The following TRMT2A variants were observed in gnomAD, a reference collection of about 807,000 sequenced individuals.
The protein encoded by TRMT2A is tRNA (uracil-5-)-methyltransferase homolog A.
Under a neutral mutation model 59.3 loss-of-function variants are expected in TRMT2A, and 60 were observed. That is an observed-to-expected ratio of 1.01 (90% CI 0.82 to 1.26). The LOEUF (loss-of-function observed/expected upper bound fraction) is 1.26, where lower values mean the gene tolerates loss of function less well. Among genes scored for constraint, TRMT2A ranks in the 50% most tolerant of loss-of-function variants. The probability of loss-of-function intolerance (pLI) is 0.00; values close to 1 mark genes in which losing one functional copy is unlikely to be tolerated. For synonymous variants in TRMT2A, 403 were observed against 353.7 expected, an observed-to-expected ratio of 1.14 and a Z score of -1.56; for missense variants, 863 against 845.2, an observed-to-expected ratio of 1.02 and a Z score of -0.26.
chr22:20,113,340 G>A (rs999507353), intron 9 of TRMT2A, 92 bp downstream of exon 9: 18 of 1,524,058 alleles, frequency 1.2e-5, no homozygotes, highest in East Asian at 9.2e-5. Context: ...TCTACCTGTC[G>A]GGCAGCCCCC....
Position 20,116,916 on chromosome 22 carries a change from G to C in TRMT2A, c.-10C>G, listed in dbSNP as rs929029334. The C allele has an allele frequency of 2.5e-6, 4 of 1,595,022 alleles. No homozygotes were observed. The African/African-American group carries it at 5.4e-5, about 21-fold the overall frequency. On this transcript the variant is annotated 5_prime_UTR_variant, in exon 1 of 12. Transcript: ENST00000252136. Reference sequence around the variant, plus strand: ...CGAGGTTCTCACTCATCGCCCAGGCGGTTCTCCGCCTAGACCAGGGACGCC... The same window carrying C: ...CGAGGTTCTCACTCATCGCCCAGGCCGTTCTCCGCCTAGACCAGGGACGCC...
rs747170713 is a variant in TRMT2A at position 20,114,746 on chromosome 22, A to G, written c.1121+15T>C. 12 of 1,611,848 alleles carry G rather than the reference A, an allele frequency of 7.4e-6. No homozygotes were observed. In the South Asian group the frequency reaches 8.8e-5, roughly 12 times the overall value. On this transcript the variant is annotated intron_variant, in intron 6 of 11. Coordinates refer to ENST00000252136, the MANE Select transcript of TRMT2A (RefSeq NM_022727.6). ...TCCCTGCAGGGACCTGCCCCGCCCCACTCGGGCTCCTTACCGCTGTCCCTC... is the reference window on the plus strand; with the variant it reads ...TCCCTGCAGGGACCTGCCCCGCCCCGCTCGGGCTCCTTACCGCTGTCCCTC...
In TRMT2A at chr22:20,114,820, T is replaced by A. The variant is rs778068968; in HGVS notation, c.1062A>T (p.Thr354=). The A allele has an allele frequency of 5.0e-6, 8 of 1,608,970 alleles. No individual in the cohort carries two copies. The highest frequency in any genetic ancestry group is 5.9e-6 in the Non-Finnish European group (7 of 1,178,854). The change falls in exon 6 of 12, where the codon ACA becomes ACT. Residue 354 remains threonine (T), a synonymous_variant. Coordinates refer to ENST00000252136, the MANE Select transcript of TRMT2A (RefSeq NM_022727.6). ...CTCCACTGGCCCTGCCTGGCCCTGC[T>A]GTGAAGTGCTGCGCTAGGGAGGTCT... ...ELKTSLAQHF[T]AGPGRASGVT... is the part of the protein sequence containing the mutation.
In TRMT2A at chr22:20,113,184, TG is replaced by T. The variant is rs2049900469; in HGVS notation, c.1482del (p.Thr495ProfsTer3). ...FHCGRAEDLV[P>X]TLVSRLASQH... Reference sequence around the variant, plus strand: ...TGGGAGGCCAGTCTGCTCACCAGGGTGGGCACCAGGTCCTCGGCCCTCCCGC... The same window carrying T: ...TGGGAGGCCAGTCTGCTCACCAGGGTGGCACCAGGTCCTCGGCCCTCCCGC... On this transcript the variant is annotated frameshift_variant, in exon 10 of 12. Coordinates refer to ENST00000252136, the MANE Select transcript of TRMT2A (RefSeq NM_022727.6). LOFTEE classifies it high-confidence loss of function. 1 of 1,594,152 alleles carries T rather than the reference TG, an allele frequency of 6.3e-7. No individual in the cohort carries two copies. The highest frequency in any genetic ancestry group is 8.6e-7 in the Non-Finnish European group (1 of 1,169,480).
At chr22:20,112,842 G>C (rs1238915504) in intron 11 of TRMT2A, 48 bp from the exon 12 acceptor site, 2 of 1,612,440 alleles carry the variant, frequency 1.2e-6, no homozygotes, top group African/African-American at 1.3e-5. Context: ...AGGCTAATCA[G>C]GGGCTCCTGT....
chr22:20,116,747 C>T (rs2050036869), intron 1 of TRMT2A, 135 bp from the exon 2 acceptor site: 2 of 1,392,226 alleles, frequency 1.4e-6, no homozygotes, highest in Non-Finnish European at 9.8e-7. Flanking sequence ...AGTCTACCCT[C>T]CCGACCCCAT....
At chr22:20,113,403 C>CCCCCCCCCCCCCGGG in intron 9 of TRMT2A, 29 bp downstream of exon 9, 1 of 1,496,884 alleles carries the variant, frequency 6.7e-7, no homozygotes, top group Non-Finnish European at 9.2e-7. Context: ...GCCCCCATCC[C>CCCCCCCCCCCCCGGG]CACCCCCACC....
chr22:20,117,055 C>A lies in TRMT2A; in HGVS notation c.-149G>T. 3.0e-6 allele frequency: 3 copies of A among 1,011,982 alleles called. No individual in the cohort carries two copies. The highest frequency in any genetic ancestry group is 4.3e-6 in the Non-Finnish European group (3 of 692,184). 62.7% of individuals were successfully genotyped at this position (1,011,982 alleles called of 1,614,324 possible). On this transcript the variant is annotated 5_prime_UTR_variant, in exon 1 of 12. Transcript: ENST00000252136. ...GAGCCGGTGCAACGCCGCGAGGTCG[C>A]CGCCACCCCCGGCTTCGCCCCAGGC... is the stretch of plus-strand genomic sequence containing the variant.
chr22:20,113,022 A>G lies in TRMT2A; in HGVS notation c.1550-15T>C. 1 of 1,613,490 alleles carries G rather than the reference A, an allele frequency of 6.2e-7. No individual in the cohort carries two copies. The highest frequency in any genetic ancestry group is 8.5e-7 in the Non-Finnish European group (1 of 1,179,868). On this transcript the variant is annotated splice_polypyrimidine_tract_variant and intron_variant, in intron 10 of 11. Coordinates refer to ENST00000252136, the MANE Select transcript of TRMT2A (RefSeq NM_022727.6). ...CACCTTGGAATCTGAGGAGGCAAAC[A>G]CCAGCTGGGTCCCCACAGCCAGAGA...
chr22:20,113,752 C>T lies in TRMT2A; in HGVS notation c.1290G>A (p.Leu430=), dbSNP rs778444824. 3.1e-6 allele frequency: 5 copies of T among 1,609,482 alleles called. No homozygotes were observed. The South Asian group carries it at 5.5e-5, about 18-fold the overall frequency. Residue 430 remains leucine, a synonymous_variant, in exon 8 of 12, where the codon TTG becomes TTA. Transcript: ENST00000252136. Reference sequence around the variant, plus strand: ...CGTCCAGCACCATGCTCCCCGCATCCAATTGGGCCCAGTCCTGGATGACTG... The same window carrying T: ...CGTCCAGCACCATGCTCCCCGCATCTAATTGGGCCCAGTCCTGGATGACTG... The part of the protein sequence containing the change: ...LYTVIQDWAQ[L]DAGSMVLDVC...
Position 20,115,789 on chromosome 22 carries a change from G to A in TRMT2A, c.600-9C>T. ...TGGTGCTCCCGATTTCCCTGTAAGA[G>A]GAGCAGATCGGTGGTTGGACTCCAC... is the stretch of plus-strand genomic sequence containing the variant. On this transcript the variant is annotated splice_polypyrimidine_tract_variant and intron_variant, in intron 2 of 11. Coordinates refer to ENST00000252136, the MANE Select transcript of TRMT2A (RefSeq NM_022727.6). 3 of 1,600,332 alleles carry A rather than the reference G, an allele frequency of 1.9e-6. No individual in the cohort carries two copies. Among genetic ancestry groups the A allele is most frequent in the African/African-American group, 1.3e-5 (1 of 74,846 alleles).
rs779556577 is a variant in TRMT2A at position 20,115,251 on chromosome 22, G to GT, written c.890+14dup. ...CCGCATAGGACTTCCCGGGAGCCCC[G>GT]TCACAGGTCCTCACCGGATGAACTC... On this transcript the variant is annotated intron_variant, in intron 4 of 11. Transcript: ENST00000252136. 35 of 1,604,176 alleles carry GT rather than the reference G, an allele frequency of 2.2e-5. No homozygotes were observed. In the African/African-American group the frequency reaches 4.3e-4, roughly 20 times the overall value.
rs183271675 is a variant in TRMT2A, at chr22:20,113,092, C to T, written c.1549+26G>A. 2.4e-5 allele frequency: 38 copies of T among 1,609,804 alleles called. No individual in the cohort carries two copies. The East Asian group carries it at 8.0e-4, about 34-fold the overall frequency. Reference sequence around the variant, plus strand: ...ACCCCATGTGTCCTCGTTCCCGTGCCACCTCCTTAAGCAAAAGCCACTCAC... The same window carrying T: ...ACCCCATGTGTCCTCGTTCCCGTGCTACCTCCTTAAGCAAAAGCCACTCAC... On this transcript the variant is annotated intron_variant, in intron 10 of 11. Coordinates refer to ENST00000252136, the MANE Select transcript of TRMT2A (RefSeq NM_022727.6).
intron 10 of TRMT2A, 34 bp from the exon 11 acceptor site, chr22:20,113,041 C>T (rs2049894522): frequency 5.0e-6 from 8 of 1,612,858 alleles, no homozygotes; most frequent in Non-Finnish European, 6.8e-6. Flanking sequence ...GTCCCCACAG[C>T]CAGAGAGTGC....
In TRMT2A at chr22:20,113,242, G is replaced by A. The variant is rs376379763; in HGVS notation, c.1433-8C>T. On this transcript the variant is annotated splice_region_variant and splice_polypyrimidine_tract_variant and intron_variant, in intron 9 of 11. Transcript: ENST00000252136. ...ACTCCACATTACTCAACTCTGAAGA[G>A]ATGGCACCGTGGCCTGTCAGAGGGC... 2.0e-5 allele frequency: 31 copies of A among 1,540,808 alleles called. No homozygotes were observed. Among genetic ancestry groups the A allele is most frequent in the Non-Finnish European group, 2.3e-5 (26 of 1,145,392 alleles).
chr22:20,112,880 A>C, intron 11 of TRMT2A, 31 bp downstream of exon 11: 1 of 1,612,414 alleles, frequency 6.2e-7, no homozygotes, highest in Non-Finnish European at 8.5e-7. Flanking sequence ...TAGCAGGCCT[A>C]GCCCCCACCC....
chr22:20,116,254 AC>A lies in TRMT2A; in HGVS notation c.382del (p.Val128PhefsTer38), dbSNP rs1277695045. 1.9e-6 allele frequency: 3 copies of A among 1,612,780 alleles called. No homozygotes were observed. In the African/African-American group the frequency reaches 4.0e-5, roughly 22 times the overall value. ...SAAERDKALRVLHGALWKGRP... is the reference protein window; with the variant it reads ...SAAERDKALRXLHGALWKGRP... ...GCCTTTCCAGAGGGCACCATGCAAA[AC>A]GCGCAGGGCCTTGTCCCTCTCTGCA... On this transcript the variant is annotated frameshift_variant, in exon 2 of 12. Coordinates refer to ENST00000252136, the MANE Select transcript of TRMT2A (RefSeq NM_022727.6). LOFTEE classifies it high-confidence loss of function.
In TRMT2A at chr22:20,116,625, A is replaced by C. The variant is rs763629111; in HGVS notation, c.25-13T>G. 6.5e-7 allele frequency: 1 copy of C among 1,528,404 alleles called. No individual in the cohort carries two copies. Among genetic ancestry groups the C allele is most frequent in the African/African-American group, 1.4e-5 (1 of 72,090 alleles). The allele number at this position is 1,528,404 out of a possible 1,614,324, so 94.7% of individuals were successfully genotyped here. On this transcript the variant is annotated splice_polypyrimidine_tract_variant and intron_variant, in intron 1 of 11. Coordinates refer to ENST00000252136, the MANE Select transcript of TRMT2A (RefSeq NM_022727.6). ...TGGGCTTCGGGCCCTGTGTGGGGAC[A>C]GATGGGGTGCTAGGGTGAGGACTAG...
In TRMT2A at chr22:20,115,939, G is replaced by T. The variant is rs59177373; in HGVS notation, c.599+99C>A. 14,070 of 1,448,672 alleles carry T rather than the reference G, an allele frequency of 9.7e-3. 1,097 individuals carry two copies. The African/African-American group carries it at 0.17, about 18-fold the overall frequency. 89.7% of individuals were successfully genotyped at this position (1,448,672 alleles called of 1,614,324 possible). ...TGGCTAGCTCCCAAAGGGGCCGCCA[G>T]ATCCTGTGCTGGGCCTCCCAACTGG... On this transcript the variant is annotated intron_variant, in intron 2 of 11. Coordinates refer to ENST00000252136, the MANE Select transcript of TRMT2A (RefSeq NM_022727.6).
Sources: allele counts gnomAD v4.1 joint callset, GRCh38; gene constraint gnomAD v4.1.1; transcripts MANE v1.5; gene names NCBI Gene and HGNC (gene_info 2026-07-23, HGNC 2026-07-21).